VWA8: variants seen among roughly 807,000 people sequenced by gnomAD.
VWA8 encodes the protein von Willebrand factor A domain-containing protein 8.
Under a neutral mutation model 241.5 loss-of-function variants are expected in VWA8, and 221 were observed. The ratio of observed to expected loss-of-function variants is 0.91; its 90% CI spans 0.82 to 1.02. VWA8 has a LOEUF of 1.02. Ranked by LOEUF, VWA8 falls within the 50% of genes least tolerant of loss-of-function variation. The probability of loss-of-function intolerance (pLI) is 0.00; values close to 1 mark genes in which losing one functional copy is unlikely to be tolerated. For missense variants in VWA8, 2,322 were observed against 2,328.7 expected, an observed-to-expected ratio of 1.00 and a Z score of 0.06; for synonymous variants, 852 against 827.1, an observed-to-expected ratio of 1.03 and a Z score of -0.52.
chr13:41,933,442 TTG>T (rs1373061141), intron 2 of VWA8, among the ~76,000 whole-genome samples: 1 of 152,104 alleles, frequency 6.6e-6, no homozygotes, highest in Non-Finnish European at 1.5e-5. Flanking sequence ...GGCTTTTTTG[TTG>T]TTTTATAAAT....
At chr13:41,770,045 T>C (rs897157653) in intron 20 of VWA8, among the ~76,000 whole-genome samples, 2 of 151,718 alleles carry the variant, frequency 1.3e-5, no homozygotes, top group Non-Finnish European at 2.9e-5. Flanking sequence ...ATCTGAACTC[T>C]TGAAAGTCGG....
At chr13:41,805,962 T>C (rs1870177346) in intron 17 of VWA8, among the ~76,000 whole-genome samples, 2 of 146,704 alleles carry the variant, frequency 1.4e-5, no homozygotes, top group East Asian at 2.0e-4. Context: ...GGAGAGACCA[T>C]ATATTAGGCC....
chr13:41,876,503 C>T (rs939735896), intron 9 of VWA8, among the ~76,000 whole-genome samples: 1 of 152,096 alleles, frequency 6.6e-6, no homozygotes, highest in Non-Finnish European at 1.5e-5. Flanking sequence ...CACAGGACTT[C>T]TCTCCTTCAG....
intron 12 of VWA8, among the ~76,000 whole-genome samples, chr13:41,862,850 T>C (rs1873066142): frequency 6.6e-6 from 1 of 152,212 alleles, no homozygotes. Context: ...GTTCAGCCAC[T>C]GTGGAAAGCA....
At chr13:41,741,330 C>T (rs1223174744) in intron 21 of VWA8, among the ~76,000 whole-genome samples, 2 of 152,144 alleles carry the variant, frequency 1.3e-5, no homozygotes, top group Non-Finnish European at 2.9e-5. Context: ...CCTTACACAC[C>T]GGGTTTATTT....
intron 44 of VWA8, chr13:41,568,514 G>C (rs190409629): frequency 8.1e-5 from 37 of 457,508 alleles, no homozygotes; most frequent in African/African-American, 6.0e-4. Flanking sequence ...CAAAAGCAGG[G>C]AACTGAAAGA....
At chr13:41,885,870 A>T in intron 8 of VWA8, 50 bp downstream of exon 8, 1 of 1,371,204 alleles carries the variant, frequency 7.3e-7, no homozygotes, top group South Asian at 1.3e-5. Context: ...ATTAACTTTC[A>T]AAATTTTTAA....
At chr13:41,677,494 T>C (rs934702416) in intron 35 of VWA8, among the ~76,000 whole-genome samples, 1 of 152,160 alleles carries the variant, frequency 6.6e-6, no homozygotes, top group South Asian at 2.1e-4. Flanking sequence ...TGTAACAATA[T>C]GACTTATTTG....
intron 8 of VWA8, among the ~76,000 whole-genome samples, chr13:41,884,350 G>C (rs772173234): frequency 6.7e-5 from 10 of 149,162 alleles, no homozygotes; most frequent in South Asian, 2.1e-4. Context: ...CCTTCACTCT[G>C]CACTTTTCTC....
chr13:41,866,145 C>A, intron 10 of VWA8, 109 bp from the exon 11 acceptor site: 2 of 1,381,430 alleles, frequency 1.4e-6, no homozygotes, highest in South Asian at 2.7e-5. Flanking sequence ...GTTAGTAGTT[C>A]GAGACCAGCC....
intron 4 of VWA8, among the ~76,000 whole-genome samples, chr13:41,906,906 C>A (rs941006209): frequency 6.6e-6 from 1 of 152,106 alleles, no homozygotes; most frequent in East Asian, 1.9e-4. Context: ...AGAAAAATAG[C>A]AGCTGACAGT....
At chr13:41,912,303 ATG>A in intron 2 of VWA8, 135 bp from the exon 3 acceptor site, 1 of 625,848 alleles carries the variant, frequency 1.6e-6, no homozygotes, top group Non-Finnish European at 2.3e-6. Context: ...TTATAAACAT[ATG>A]TATATAAATA....
intron 42 of VWA8, among the ~76,000 whole-genome samples, chr13:41,583,127 G>T (rs992772973): frequency 6.6e-6 from 1 of 152,166 alleles, no homozygotes; most frequent in Admixed American, 6.5e-5. Context: ...AATGTAAGGA[G>T]CTCCATCTTA....
At chr13:41,918,039 T>C (rs776620526) in intron 2 of VWA8, among the ~76,000 whole-genome samples, 2 of 152,216 alleles carry the variant, frequency 1.3e-5, no homozygotes, top group Non-Finnish European at 2.9e-5. Flanking sequence ...GGTGAAAATA[T>C]TTAGCACCAA....
chr13:41,898,107 C>T (rs1342227766), intron 4 of VWA8, among the ~76,000 whole-genome samples: 1 of 152,036 alleles, frequency 6.6e-6, no homozygotes, highest in African/African-American at 2.4e-5. Context: ...CTGAGCTAGA[C>T]ACAGGGTGCT....
At chr13:41,660,583 G>A (rs1264141817) in intron 37 of VWA8, among the ~76,000 whole-genome samples, 1 of 152,104 alleles carries the variant, frequency 6.6e-6, no homozygotes, top group Admixed American at 6.5e-5. Flanking sequence ...ATTCATCCTG[G>A]GGAAGGAAAG....
intron 21 of VWA8, among the ~76,000 whole-genome samples, chr13:41,746,264 G>A (rs1277862735): frequency 2.6e-5 from 4 of 152,164 alleles, no homozygotes; most frequent in African/African-American, 7.2e-5. Flanking sequence ...AGTGGCAAGG[G>A]ACATAACAAA....
chr13:41,664,633 T>C (rs1357649025), intron 37 of VWA8, among the ~76,000 whole-genome samples: 2 of 151,912 alleles, frequency 1.3e-5, no homozygotes, highest in African/African-American at 2.4e-5. Flanking sequence ...GAGGAGAAAA[T>C]CTGGATGTCT....
chr13:41,744,906 C>T (rs1022937239), intron 21 of VWA8, among the ~76,000 whole-genome samples: 1 of 152,044 alleles, frequency 6.6e-6, no homozygotes, highest in Non-Finnish European at 1.5e-5. Context: ...GGCGCAATCT[C>T]GGCATACTGC....
Sources: gnomAD v4.1 joint callset for allele counts (sites outside exome capture counted in the v4.1 genomes callset) on GRCh38, gnomAD v4.1.1 for gene constraint, MANE v1.5 for transcripts, NCBI Gene and HGNC (gene_info 2026-07-23, HGNC 2026-07-21) for gene names.